Variants in ALPG observed in about 807,000 individuals in gnomAD.
ALPG encodes the protein alkaline phosphatase, germ cell, also known as alkaline phosphatase, germ cell type.
Under a neutral mutation model 48.6 loss-of-function variants are expected in ALPG, and 32 were observed. The ratio of observed to expected loss-of-function variants is 0.66; its 90% CI spans 0.50 to 0.88. The LOEUF is 0.88. Ranked by LOEUF, ALPG falls within the 40% of genes least tolerant of loss-of-function variation. The pLI is 0.00. For synonymous variants in ALPG, 244 were observed against 308.9 expected (o/e 0.79, Z 2.20); for missense variants, 533 against 718.1 (o/e 0.74, Z 2.95).
rs199598336 is a variant in ALPG at position 232,407,946 on chromosome 2, G to C, written c.577G>C (p.Val193Leu). Residue 193 changes from valine to leucine, a missense_variant, in exon 5 of 11, where the codon GTG (valine) becomes CTG (leucine). Val to Leu is a conservative substitution (Grantham distance 32). Coordinates refer to ENST00000295453, the MANE Select transcript of ALPG (RefSeq NM_031313.3). ...VNRNWYSDAD[V>L]PASARQEGCQ... ...CCGCAACTGGTACTCGGATGCCGAC[G>C]TGCCTGCCTCGGCCCGCCAGGAGGG... 1.2e-6 allele frequency: 2 copies of C among 1,613,350 alleles called. No homozygotes were observed. The highest frequency in any genetic ancestry group is 1.7e-6 in the Non-Finnish European group (2 of 1,179,968).
chr2:232,410,697 A>C lies in ALPG; in HGVS notation c.*825A>C, dbSNP rs1697171449. The C allele has an allele frequency of 6.6e-6, 1 of 152,284 alleles. No homozygotes were observed. The highest frequency in any genetic ancestry group is 2.4e-5 in the African/African-American group (1 of 41,454). The allele number at this position is 152,284 out of a possible 1,614,324, so 9.4% of individuals were successfully genotyped here. ...GGAAACACAAAGCAATAATAAAAGG[A>C]AGTGTTAGACAATGTAATGCCAGTA... On this transcript the variant is annotated 3_prime_UTR_variant, in exon 11 of 11. Coordinates refer to ENST00000295453, the MANE Select transcript of ALPG (RefSeq NM_031313.3).
rs576271845 is a variant in ALPG at position 232,407,956 on chromosome 2, C to T, written c.587C>T (p.Ser196Leu). Reference sequence around the variant, plus strand: ...TACTCGGATGCCGACGTGCCTGCCTCGGCCCGCCAGGAGGGGTGCCAGGAC... The same window carrying T: ...TACTCGGATGCCGACGTGCCTGCCTTGGCCCGCCAGGAGGGGTGCCAGGAC... ...NWYSDADVPA[S>L]ARQEGCQDIA... The change falls in exon 5 of 11, where the codon TCG (serine) becomes TTG (leucine). Residue 196 changes from serine (S) to leucine (L), a missense_variant. Physicochemically the swap from Ser to Leu is moderately radical, Grantham distance 145. Coordinates refer to ENST00000295453, the MANE Select transcript of ALPG (RefSeq NM_031313.3). 6.2e-6 allele frequency: 10 copies of T among 1,613,252 alleles called. No individual in the cohort carries two copies. Among genetic ancestry groups the T allele is most frequent in the East Asian group, 2.2e-5 (1 of 44,876 alleles).
At position 232,407,189 on chromosome 2, in the gene ALPG, C is replaced by G; in HGVS notation, c.184+16C>G. 1 of 1,613,930 alleles carries G rather than the reference C, an allele frequency of 6.2e-7. No individual in the cohort carries two copies. The highest frequency in any genetic ancestry group is 8.5e-7 in the Non-Finnish European group (1 of 1,180,000). On this transcript the variant is annotated intron_variant, in intron 2 of 10. Coordinates refer to ENST00000295453, the MANE Select transcript of ALPG (RefSeq NM_031313.3). Reference sequence around the variant, plus strand: ...CTGGGTGACGGTGAGTGAGCCAGGCCTTCCAGCCCCGCAGCCCTCACAGCC... The same window carrying G: ...CTGGGTGACGGTGAGTGAGCCAGGCGTTCCAGCCCCGCAGCCCTCACAGCC...
chr2:232,408,134 G>A (rs1697124372), intron 5 of ALPG, 117 bp downstream of exon 5: 1 of 1,566,778 alleles, frequency 6.4e-7, no homozygotes, highest in Admixed American at 1.8e-5. Context: ...AGGTGGGGTT[G>A]GGGGCGTAGA....
chr2:232,408,346 G>A lies in ALPG; in HGVS notation c.728G>A (p.Gly243Asp), dbSNP rs1451800820. 1.9e-6 allele frequency: 3 copies of A among 1,612,250 alleles called. No homozygotes were observed. Among genetic ancestry groups the A allele is most frequent in the Admixed American group, 3.3e-5 (2 of 59,828 alleles). Residue 243 changes from glycine (G) to aspartate (D), a missense_variant, in exon 6 of 11, where the codon GGT becomes GAT. Gly to Asp is a moderately conservative substitution (Grantham distance 94). Transcript: ENST00000295453. ...DPEYPDDYSQ[G>D]GTRLDGKNLV... The stretch of plus-strand genomic sequence containing the variant: ...GAGTACCCAGATGACTACAGCCAAG[G>A]TGGGACCAGGCTGGACGGGAAGAAT...
intron 4 of ALPG, 31 bp from the exon 5 acceptor site, chr2:232,407,814 T>C: frequency 1.2e-6 from 2 of 1,613,678 alleles, no homozygotes; most frequent in Non-Finnish European, 1.7e-6. Flanking sequence ...GACAGACCTC[T>C]ATCGCATATC....
At chr2:232,407,534 CA>C in intron 3 of ALPG, 59 bp from the exon 4 acceptor site, 1 of 1,607,246 alleles carries the variant, frequency 6.2e-7, no homozygotes, top group Non-Finnish European at 8.5e-7. Context: ...TCCCAGAGGA[CA>C]GAGATCAGGG....
At chr2:232,408,109 G>T (rs1337001082) in intron 5 of ALPG, 92 bp downstream of exon 5, 26 of 1,566,236 alleles carry the variant, frequency 1.7e-5, no homozygotes, top group Admixed American at 3.6e-5. Context: ...CCTTATCTGG[G>T]CCAGCAGGGT....
intron 3 of ALPG, 90 bp from the exon 4 acceptor site, chr2:232,407,504 G>A (rs1697107832): frequency 1.3e-6 from 2 of 1,594,166 alleles, no homozygotes. Flanking sequence ...GCTCCAATAA[G>A]GAGCTGGAGG....
rs1360305218 is a variant in ALPG at position 232,410,440 on chromosome 2, C to G, written c.*568C>G. 1 of 158,316 alleles carries G rather than the reference C, an allele frequency of 6.3e-6. No individual in the cohort carries two copies. Among genetic ancestry groups the G allele is most frequent in the East Asian group, 1.9e-4 (1 of 5,268 alleles). 9.8% of individuals were successfully genotyped at this position (158,316 alleles called of 1,614,324 possible). A position where few individuals can be genotyped will look rare whatever the true frequency, so the allele number is the denominator to read the frequency against. Reference sequence around the variant, plus strand: ...CTAATTCTACACCCCTGTGCCCCTCCTAGGGGCCCATGAGTCAGAGAGGCT... The same window carrying G: ...CTAATTCTACACCCCTGTGCCCCTCGTAGGGGCCCATGAGTCAGAGAGGCT... On this transcript the variant is annotated 3_prime_UTR_variant, in exon 11 of 11. Transcript: ENST00000295453.
At position 232,408,418 on chromosome 2, in the gene ALPG, G is replaced by T. The variant is rs1225197576; in HGVS notation, c.783+17G>T. 18 of 1,485,794 alleles carry T rather than the reference G, an allele frequency of 1.2e-5. 5 individuals are homozygous for T. The highest frequency in any genetic ancestry group is 1.7e-5 in the Non-Finnish European group (18 of 1,079,140). The allele number at this position is 1,485,794 out of a possible 1,614,324, so 92.0% of individuals were successfully genotyped here. The stretch of plus-strand genomic sequence containing the variant: ...AAGCACCAGGTGATGGGGGCTGGTG[G>T]GTGTGCTGGGCACAGCAGGGGGAGG... On this transcript the variant is annotated intron_variant, in intron 6 of 10. Transcript: ENST00000295453.
rs200991140 is a variant in ALPG at position 232,406,977 on chromosome 2, C to T, written c.67+16C>T. On this transcript the variant is annotated intron_variant, in intron 1 of 10. Transcript: ENST00000295453. The stretch of plus-strand genomic sequence containing the variant: ...ATCATCCCAGGTAATGAGGCTCCCC[C>T]AGCTGCCCCTACACACACACACACA... The T allele has an allele frequency of 6.3e-6, 10 of 1,599,430 alleles. No individual in the cohort carries two copies. The African/African-American group carries it at 1.1e-4, about 18-fold the overall frequency.
chr2:232,407,233 G>C, intron 2 of ALPG, 53 bp from the exon 3 acceptor site: 1 of 1,613,940 alleles, frequency 6.2e-7, no homozygotes, highest in South Asian at 1.1e-5. Context: ...CGGACCCTCA[G>C]TGGTTCCAGG....
rs548676914 is a variant in ALPG at position 232,406,871 on chromosome 2, G to C, written c.-24G>C. The C allele has an allele frequency of 1.4e-5, 23 of 1,601,748 alleles. No individual in the cohort carries two copies. The highest frequency in any genetic ancestry group is 1.2e-4 in the African/African-American group (9 of 74,718). ...ACTCCATACCTGGGATTTCCGCCTC[G>C]CCGCTCTCCGACTGCTTCCAGACAT... On this transcript the variant is annotated 5_prime_UTR_variant, in exon 1 of 11. Transcript: ENST00000295453.
rs1316437122 is a variant in ALPG, at chr2:232,409,556, A to G, written c.1301-18A>G. ...CCTGGAACTGAAACTTCCTACTGAA[A>G]CTGAACCCTCCAACCAGGGAGCCCC... is the stretch of plus-strand genomic sequence containing the variant. On this transcript the variant is annotated intron_variant, in intron 10 of 10. Coordinates refer to ENST00000295453, the MANE Select transcript of ALPG (RefSeq NM_031313.3). 1 of 1,612,322 alleles carries G rather than the reference A, an allele frequency of 6.2e-7. No homozygotes were observed. Among genetic ancestry groups the G allele is most frequent in the East Asian group, 2.2e-5 (1 of 44,848 alleles).
chr2:232,407,695 C>A lies in ALPG; in HGVS notation c.402C>A (p.Ala134=), dbSNP rs766736978. ...TCCAGACCATTGGCTTGAGTGCAGCCGCCCGCTTTAACCAGTGCAACACGA... is the reference window on the plus strand; with the variant it reads ...TCCAGACCATTGGCTTGAGTGCAGCAGCCCGCTTTAACCAGTGCAACACGA... ...GNFQTIGLSA[A]ARFNQCNTTR... The change falls in exon 4 of 11, where the codon GCC becomes GCA. Residue 134 remains alanine, a synonymous_variant. Transcript: ENST00000295453. The A allele has an allele frequency of 1.9e-6, 3 of 1,613,666 alleles. No homozygotes were observed. In the African/African-American group the frequency reaches 4.0e-5, roughly 22 times the overall value.
In ALPG at chr2:232,410,268, G is replaced by A; in HGVS notation, c.*396G>A. The A allele has an allele frequency of 3.9e-6, 1 of 258,092 alleles. No individual in the cohort carries two copies. 16.0% of individuals were successfully genotyped at this position (258,092 alleles called of 1,614,324 possible). On this transcript the variant is annotated 3_prime_UTR_variant, in exon 11 of 11. Coordinates refer to ENST00000295453, the MANE Select transcript of ALPG (RefSeq NM_031313.3). ...TAGCTTCAGTCATGGCAGCACCTGA[G>A]GGACACAAGGACTTGGGTGCATCAG...
rs1044917113 is a variant in ALPG, at chr2:232,407,882, G to T, written c.513G>T (p.Gln171His). 11 of 1,613,380 alleles carry T rather than the reference G, an allele frequency of 6.8e-6. No homozygotes were observed. The highest frequency in any genetic ancestry group is 8.5e-7 in the Non-Finnish European group (1 of 1,180,026). ...GAGTGGTAACCACCACACGGGTGCAGCATGCCTCGCCAGCCGGCGCCTACG... is the reference window on the plus strand; with the variant it reads ...GAGTGGTAACCACCACACGGGTGCATCATGCCTCGCCAGCCGGCGCCTACG... The part of the protein sequence containing the change: ...SVGVVTTTRV[Q>H]HASPAGAYAH... The change falls in exon 5 of 11, where the codon CAG becomes CAT. Residue 171 changes from glutamine (Q) to histidine (H), a missense_variant. Transcript: ENST00000295453.
chr2:232,407,810 C>T, intron 4 of ALPG, 35 bp from the exon 5 acceptor site: 2 of 1,613,690 alleles, frequency 1.2e-6, no homozygotes, highest in Non-Finnish European at 8.5e-7. Flanking sequence ...AGGTGACAGA[C>T]CTCTATCGCA....
Sources: allele counts gnomAD v4.1 joint callset, GRCh38; gene constraint gnomAD v4.1.1; transcripts MANE v1.5; gene names NCBI Gene and HGNC (gene_info 2026-07-23, HGNC 2026-07-21).